Variants in CACNA2D1 observed in about 807,000 individuals in gnomAD.
CACNA2D1 encodes voltage-dependent calcium channel subunit alpha-2/delta-1.
A neutral mutation model predicts 171.5 loss-of-function variants in CACNA2D1; 53 were observed. That is an observed-to-expected ratio of 0.31 (90% CI 0.25 to 0.39). The LOEUF (loss-of-function observed/expected upper bound fraction) is 0.39. CACNA2D1 is among the 10% of genes least tolerant of loss of function. CACNA2D1 has a pLI of 1.00. For synonymous variants in CACNA2D1, 442 were observed against 443.1 expected (o/e 1.00, Z 0.03); for missense variants, 903 against 1,299.8 (o/e 0.69, Z 4.69).
chr7:82,230,553 C>T (rs540695915), intron 3 of CACNA2D1, among the ~76,000 whole-genome samples: 12 of 152,170 alleles, frequency 7.9e-5, no homozygotes, highest in Middle Eastern at 3.4e-3. Context: ...TTTAAAAAAA[C>T]GCGCAAGAAT....
At chr7:82,430,411 C>G (rs183905224) in intron 1 of CACNA2D1, among the ~76,000 whole-genome samples, 28 of 92,822 alleles carry the variant, frequency 3.0e-4, no homozygotes, top group Non-Finnish European at 4.2e-4. Context: ...GAGACAGACT[C>G]CATCTCAAAA....
Position 82,005,773 on chromosome 7 carries a change from G to A in CACNA2D1, c.1507C>T (p.Arg503Cys), listed in dbSNP as rs76684172. ...SLEDIKRLTPRFTLCPNGYYF... is the reference protein window; with the variant it reads ...SLEDIKRLTPCFTLCPNGYYF... ...AGCAAATTTCATCTTACTGTAAAACGTGGTGTCAGTCTTTTAATATCTTCC... is the reference window on the plus strand; with the variant it reads ...AGCAAATTTCATCTTACTGTAAAACATGGTGTCAGTCTTTTAATATCTTCC... The change falls in exon 17 of 39, where the codon CGT becomes TGT. Residue 503 changes from arginine to cysteine, a missense_variant. Physicochemically the swap from Arg to Cys is radical, Grantham distance 180. Coordinates refer to ENST00000356860, the MANE Select transcript of CACNA2D1 (RefSeq NM_000722.4). 1.4e-5 allele frequency: 22 copies of A among 1,587,758 alleles called. No homozygotes were observed. The Admixed American group carries it at 2.3e-4, about 17-fold the overall frequency.
At chr7:82,363,849 C>G (rs1164570386) in intron 1 of CACNA2D1, among the ~76,000 whole-genome samples, 1 of 152,108 alleles carries the variant, frequency 6.6e-6, no homozygotes, top group East Asian at 1.9e-4. Context: ...GTTCTTCAGA[C>G]TATAGATCTA....
chr7:82,170,455 A>T (rs1205228608), intron 4 of CACNA2D1, 95 bp downstream of exon 4: 3 of 979,962 alleles, frequency 3.1e-6, no homozygotes, highest in Non-Finnish European at 3.3e-6. Context: ...CAACATCATA[A>T]GATTCCATCA....
intron 1 of CACNA2D1, among the ~76,000 whole-genome samples, chr7:82,366,377 C>G (rs1821710702): frequency 1.3e-5 from 2 of 152,172 alleles, no homozygotes; most frequent in Admixed American, 1.3e-4. Context: ...TTGACCCCCT[C>G]TCTATCCCAA....
intron 28 of CACNA2D1, among the ~76,000 whole-genome samples, chr7:81,969,337 A>G (rs571665059): frequency 1.5e-3 from 226 of 151,586 alleles, no homozygotes; most frequent in African/African-American, 5.3e-3. Flanking sequence ...TTTGTCTTTT[A>G]TAAGACGTAT....
At chr7:82,194,137 T>C (rs529134295) in intron 3 of CACNA2D1, among the ~76,000 whole-genome samples, 5 of 152,160 alleles carry the variant, frequency 3.3e-5, no homozygotes, top group African/African-American at 9.6e-5. Context: ...AAGCTGTGTG[T>C]ATTTCTACAT....
intron 1 of CACNA2D1, among the ~76,000 whole-genome samples, chr7:82,387,703 T>C (rs1239432851): frequency 2.6e-5 from 4 of 152,192 alleles, no homozygotes; most frequent in Non-Finnish European, 5.9e-5. Context: ...CTTAGCTAAA[T>C]GCAAGTAAAA....
intron 4 of CACNA2D1, among the ~76,000 whole-genome samples, chr7:82,160,168 A>G (rs1218538279): frequency 6.6e-6 from 1 of 151,904 alleles, no homozygotes; most frequent in Non-Finnish European, 1.5e-5. Flanking sequence ...ATGACAAAAG[A>G]CAGTGAAGCA....
chr7:82,301,597 C>T (rs1813010278), intron 3 of CACNA2D1, among the ~76,000 whole-genome samples: 1 of 151,948 alleles, frequency 6.6e-6, no homozygotes. Context: ...CCTTTTTATT[C>T]CCACCAACAT....
chr7:82,394,859 T>C (rs1383047979), intron 1 of CACNA2D1, among the ~76,000 whole-genome samples: 1 of 152,160 alleles, frequency 6.6e-6, no homozygotes, highest in Non-Finnish European at 1.5e-5. Context: ...CCCTCTGGGT[T>C]TGACTAAAGT....
At chr7:82,014,851 C>T (rs1224208004) in intron 12 of CACNA2D1, among the ~76,000 whole-genome samples, 4 of 152,046 alleles carry the variant, frequency 2.6e-5, no homozygotes, top group Admixed American at 6.6e-5. Flanking sequence ...GTCAGGAGTT[C>T]GAGACCATCC....
chr7:82,241,952 A>C (rs1430427696), intron 3 of CACNA2D1, among the ~76,000 whole-genome samples: 2 of 152,174 alleles, frequency 1.3e-5, no homozygotes, highest in Non-Finnish European at 2.9e-5. Context: ...GAGCCGACTG[A>C]TGATGACACC....
At chr7:82,304,459 C>T (rs35127576) in intron 3 of CACNA2D1, among the ~76,000 whole-genome samples, 1 of 151,784 alleles carries the variant, frequency 6.6e-6, no homozygotes, top group Non-Finnish European at 1.5e-5. Flanking sequence ...AAGTGTCCAT[C>T]AGCAGATGAA....
chr7:82,435,286 C>T (rs1830029260), intron 1 of CACNA2D1, among the ~76,000 whole-genome samples: 1 of 152,066 alleles, frequency 6.6e-6, no homozygotes, highest in African/African-American at 2.4e-5. Flanking sequence ...ATCTGCCCAC[C>T]TCGGCCTCCC....
chr7:81,950,081 G>A lies in CACNA2D1; in HGVS notation c.*311C>T. 1 of 331,996 alleles carries A rather than the reference G, an allele frequency of 3.0e-6. No homozygotes were observed. The allele number at this position is 331,996 out of a possible 1,614,324, so 20.6% of individuals were successfully genotyped here. A position where few individuals can be genotyped will look rare whatever the true frequency, so the allele number is the denominator to read the frequency against. The stretch of plus-strand genomic sequence containing the variant: ...TTATGGTTCATTAACAATTGTATGG[G>A]GAACCCTTTCACATGTAATCACCAA... On this transcript the variant is annotated 3_prime_UTR_variant, in exon 39 of 39. Transcript: ENST00000356860.
chr7:82,144,046 T>C (rs1792701097), intron 4 of CACNA2D1, among the ~76,000 whole-genome samples: 1 of 152,110 alleles, frequency 6.6e-6, no homozygotes, highest in African/African-American at 2.4e-5. Context: ...CCTAAATATA[T>C]TCAAAAACTG....
chr7:81,977,260 AG>A (rs1229840831), intron 24 of CACNA2D1, among the ~76,000 whole-genome samples: 4 of 152,238 alleles, frequency 2.6e-5, no homozygotes, highest in South Asian at 2.1e-4. Flanking sequence ...TTTAGCATGA[AG>A]GGGTGCTGAA....
At chr7:82,204,989 C>T (rs544951172) in intron 3 of CACNA2D1, among the ~76,000 whole-genome samples, 6 of 152,282 alleles carry the variant, frequency 3.9e-5, no homozygotes, top group East Asian at 1.9e-4. Flanking sequence ...ATGCTTGGAT[C>T]GGAGTCACTG....
Sources: gnomAD v4.1 joint callset for allele counts (sites outside exome capture counted in the v4.1 genomes callset) on GRCh38, gnomAD v4.1.1 for gene constraint, MANE v1.5 for transcripts, NCBI Gene and HGNC (gene_info 2026-07-23, HGNC 2026-07-21) for gene names.